Variants in SEC61G observed in about 807,000 individuals in gnomAD.
SEC61G encodes protein transport protein Sec61 subunit gamma.
SEC61G carries 4 observed loss-of-function variants against 7.5 expected under a neutral mutation model. That is an observed-to-expected ratio of 0.54 (90% CI 0.26 to 1.22). The LOEUF (loss-of-function observed/expected upper bound fraction) is 1.22. SEC61G is among the 50% of genes most tolerant of loss of function. The pLI, the probability that SEC61G is intolerant of heterozygous loss-of-function variation, is 0.12. For missense variants in SEC61G, 53 were observed against 84.6 expected, an observed-to-expected ratio of 0.63 and a Z score of 1.46; for synonymous variants, 24 against 24.4, an observed-to-expected ratio of 0.98 and a Z score of 0.05.
chr7:54,758,144 T>C (rs1454675714), intron 1 of SEC61G, among the ~76,000 whole-genome samples: 2 of 152,226 alleles, frequency 1.3e-5, no homozygotes, highest in Non-Finnish European at 2.9e-5. Context: ...CAATACAACA[T>C]ACTTTTCTAA....
rs780423244 is a variant in SEC61G at position 54,757,554 on chromosome 7, C to T, written c.35G>A (p.Arg12Gln). Residue 12 changes from arginine to glutamine, a missense_variant, in exon 2 of 4, where the codon CGG (arginine) becomes CAG (glutamine). Transcript: ENST00000352861. ...CCGAATGGAGTCCTTTACAAACTGC[C>T]GACTTGGCTCAACAAACTGCATTAC... Reference protein sequence around the residue: ...DQVMQFVEPSRQFVKDSIRLV... With the variant: ...DQVMQFVEPSQQFVKDSIRLV... 23 of 1,613,840 alleles carry T rather than the reference C, an allele frequency of 1.4e-5. No homozygotes were observed. The highest frequency in any genetic ancestry group is 3.3e-5 in the South Asian group (3 of 91,074).
intron 3 of SEC61G, chr7:54,755,570 A>G: frequency 2.8e-6 from 1 of 352,686 alleles, no homozygotes; most frequent in Non-Finnish European, 5.0e-6. Flanking sequence ...TTTATTTATT[A>G]AAGAAAATAG....
Position 54,755,770 on chromosome 7 carries a change from T to G in SEC61G, c.197+9A>C. 7.0e-7 allele frequency: 1 copy of G among 1,431,482 alleles called. No individual in the cohort carries two copies. The highest frequency in any genetic ancestry group is 9.6e-7 in the Non-Finnish European group (1 of 1,036,566). 88.7% of individuals were successfully genotyped at this position (1,431,482 alleles called of 1,614,324 possible). ...TTCAATCCTAGTCTATTTCATAAAG[T>G]TTACTTACACAATGATGTTATTAAT... On this transcript the variant is annotated intron_variant, in intron 3 of 3. Coordinates refer to ENST00000352861, the MANE Select transcript of SEC61G (RefSeq NM_014302.4).
chr7:54,757,640 A>C, intron 1 of SEC61G, 46 bp from the exon 2 acceptor site: 1 of 1,471,126 alleles, frequency 6.8e-7, no homozygotes, highest in Non-Finnish European at 9.5e-7. Context: ...TTCTCATACA[A>C]TAAGCACTTG....
At chr7:54,755,122 CAAAT>C (rs1319942771) in intron 3 of SEC61G, 1 of 152,120 alleles carries the variant, frequency 6.6e-6, no homozygotes, top group Non-Finnish European at 1.5e-5. Context: ...TATTTGGAAA[CAAAT>C]AAAGTGATCC....
Position 54,752,263 on chromosome 7 carries a change from A to C in SEC61G, c.*148T>G. 8.1e-6 allele frequency: 4 copies of C among 496,586 alleles called. No individual in the cohort carries two copies. The highest frequency in any genetic ancestry group is 1.5e-5 in the Non-Finnish European group (4 of 275,488). The allele number at this position is 496,586 out of a possible 1,614,324, so 30.8% of individuals were successfully genotyped here. A position where few individuals can be genotyped will look rare whatever the true frequency, so the allele number is the denominator to read the frequency against. ...AAAAAGAGATATTCATTTACTTTGA[A>C]ATTACTTTAATTTAGAAATAGAAAA... On this transcript the variant is annotated 3_prime_UTR_variant, in exon 4 of 4. Transcript: ENST00000352861.
At chr7:54,753,182 A>G (rs1049689845) in intron 3 of SEC61G, among the ~76,000 whole-genome samples, 4 of 152,054 alleles carry the variant, frequency 2.6e-5, no homozygotes, top group Admixed American at 2.6e-4. Context: ...AGTCCCAGCT[A>G]CTCAGGAGGC....
At chr7:54,753,864 G>A (rs986045643) in intron 3 of SEC61G, among the ~76,000 whole-genome samples, 2 of 152,126 alleles carry the variant, frequency 1.3e-5, no homozygotes, top group African/African-American at 4.8e-5. Flanking sequence ...GATTAAATGA[G>A]TTGACACACA....
In SEC61G at chr7:54,757,580, C is replaced by G; in HGVS notation, c.9G>C (p.Gln3His). ...GACTTGGCTCAACAAACTGCATTAC[C>G]TGATCCATGACTGCCTGTTTAAAAC... MD[Q>H]VMQFVEPSRQ... The change falls in exon 2 of 4, where the codon CAG becomes CAC. Residue 3 changes from glutamine (Q) to histidine (H), a missense_variant. Transcript: ENST00000352861. 1 of 1,613,986 alleles carries G rather than the reference C, an allele frequency of 6.2e-7. No homozygotes were observed. Among genetic ancestry groups the G allele is most frequent in the Non-Finnish European group, 8.5e-7 (1 of 1,179,908 alleles).
At chr7:54,753,198 CAGG>C (rs1453066341) in intron 3 of SEC61G, among the ~76,000 whole-genome samples, 1 of 152,072 alleles carries the variant, frequency 6.6e-6, no homozygotes, top group African/African-American at 2.4e-5. Flanking sequence ...GAGGCTGAGG[CAGG>C]AGAATCACTT....
chr7:54,753,270 G>A (rs537768018), intron 3 of SEC61G, among the ~76,000 whole-genome samples: 3 of 152,164 alleles, frequency 2.0e-5, no homozygotes, highest in South Asian at 2.1e-4. Flanking sequence ...TCCAGCCTGG[G>A]AAACAGAGCA....
At chr7:54,754,542 T>C (rs1382020063) in intron 3 of SEC61G, among the ~76,000 whole-genome samples, 1 of 152,236 alleles carries the variant, frequency 6.6e-6, no homozygotes, top group Non-Finnish European at 1.5e-5. Context: ...TAGTTCTAAC[T>C]ATTTATGATC....
chr7:54,752,518 G>C, intron 3 of SEC61G, 98 bp from the exon 4 acceptor site: 1 of 651,524 alleles, frequency 1.5e-6, no homozygotes, highest in Non-Finnish European at 2.5e-6. Flanking sequence ...AACGGCTCAA[G>C]ACCAATTATG....
chr7:54,755,594 G>A (rs1791497321), intron 3 of SEC61G, 185 bp downstream of exon 3: 1 of 388,648 alleles, frequency 2.6e-6, no homozygotes, highest in Non-Finnish European at 4.6e-6. Context: ...CTAGCACACA[G>A]AATTTCTGGA....
chr7:54,755,059 G>A (rs1182384374), intron 3 of SEC61G: 1 of 152,070 alleles, frequency 6.6e-6, no homozygotes, highest in Non-Finnish European at 1.5e-5. Flanking sequence ...TGCTCTAATT[G>A]CTCAATGCCA....
chr7:54,752,500 ATAACTT>A, intron 3 of SEC61G, 80 bp from the exon 4 acceptor site: 1 of 901,508 alleles, frequency 1.1e-6, no homozygotes, highest in Non-Finnish European at 1.7e-6. Flanking sequence ...GCAATATGCT[ATAACTT>A]TAACGGCTCA....
chr7:54,752,691 T>C (rs1037163195), intron 3 of SEC61G, among the ~76,000 whole-genome samples: 1 of 152,194 alleles, frequency 6.6e-6, no homozygotes, highest in Non-Finnish European at 1.5e-5. Flanking sequence ...GCATAACGCC[T>C]TTCTGAACAC....
At chr7:54,758,284 A>C (rs1264518492) in intron 1 of SEC61G, among the ~76,000 whole-genome samples, 2 of 152,238 alleles carry the variant, frequency 1.3e-5, no homozygotes, top group Non-Finnish European at 2.9e-5. Flanking sequence ...CTTTTGAGGA[A>C]TCTATTACCC....
At chr7:54,754,389 T>C (rs1030063945) in intron 3 of SEC61G, among the ~76,000 whole-genome samples, 1 of 152,204 alleles carries the variant, frequency 6.6e-6, no homozygotes, top group Non-Finnish European at 1.5e-5. Context: ...TGACAGAGAC[T>C]CTGCCACTTC....
Sources: gnomAD v4.1 joint callset for allele counts (sites outside exome capture counted in the v4.1 genomes callset) on GRCh38, gnomAD v4.1.1 for gene constraint, MANE v1.5 for transcripts, NCBI Gene and HGNC (gene_info 2026-07-23, HGNC 2026-07-21) for gene names.